Variants in OSER1 observed in about 807,000 individuals in gnomAD.
OSER1 encodes the protein oxidative stress-responsive serine-rich protein 1.
In OSER1, 15 loss-of-function variants were observed where a neutral mutation model predicts 26.3. The observed-to-expected ratio is 0.57, with a 90% confidence interval of 0.38 to 0.88. The LOEUF (loss-of-function observed/expected upper bound fraction) is 0.88. Ranked by LOEUF, OSER1 falls within the 40% of genes least tolerant of loss-of-function variation. The pLI is 0.00. For missense variants in OSER1, 313 were observed against 353.9 expected, an observed-to-expected ratio of 0.88 and a Z score of 0.93; for synonymous variants, 127 against 128.2, an observed-to-expected ratio of 0.99 and a Z score of 0.07.
chr20:44,201,882 A>C (rs2072985710), intron 3 of OSER1, among the ~76,000 whole-genome samples: 1 of 152,186 alleles, frequency 6.6e-6, no homozygotes, highest in Non-Finnish European at 1.5e-5. Flanking sequence ...GTAAGGTGGG[A>C]AAAAAATAGA....
intron 3 of OSER1, among the ~76,000 whole-genome samples, chr20:44,201,155 G>A (rs1165935386): frequency 6.6e-6 from 1 of 152,190 alleles, no homozygotes; most frequent in African/African-American, 2.4e-5. Flanking sequence ...GCACTATGCT[G>A]AGTCTGTGTG....
In OSER1 at chr20:44,196,754, T is replaced by C. The variant is rs2072922903; in HGVS notation, c.*298A>G. ...GAAAAATGCACTGTTTTACAAAGGC[T>C]TTTACCATATACCCACTGCTGCCAG... On this transcript the variant is annotated 3_prime_UTR_variant, in exon 4 of 4. Transcript: ENST00000255174. The C allele has an allele frequency of 3.4e-6, 1 of 293,786 alleles. No homozygotes were observed. The highest frequency in any genetic ancestry group is 6.4e-6 in the Non-Finnish European group (1 of 156,410). The allele number at this position is 293,786 out of a possible 1,614,324, so 18.2% of individuals were successfully genotyped here.
chr20:44,196,409 C>T lies in OSER1; in HGVS notation c.*643G>A, dbSNP rs2072919996. 1 of 152,084 alleles carries T rather than the reference C, an allele frequency of 6.6e-6. No individual in the cohort carries two copies. Among genetic ancestry groups the T allele is most frequent in the Non-Finnish European group, 1.5e-5 (1 of 68,042 alleles). The allele number at this position is 152,084 out of a possible 1,614,324, so 9.4% of individuals were successfully genotyped here. A position where few individuals can be genotyped will look rare whatever the true frequency, so the allele number is the denominator to read the frequency against. ...AACTGAAGCAGCCCATTCCAAGCTG[C>T]TTACTTGAAACTGCATGTAACATGT... On this transcript the variant is annotated 3_prime_UTR_variant, in exon 4 of 4. Transcript: ENST00000255174.
chr20:44,210,741 G>C lies in OSER1; in HGVS notation c.-87C>G, dbSNP rs1410943494. ...CCGGTGATGCGGGGCAGTCAGTTCAGAGCGTCTCTCCCAAATCTCGGCACC... is the reference window on the plus strand; with the variant it reads ...CCGGTGATGCGGGGCAGTCAGTTCACAGCGTCTCTCCCAAATCTCGGCACC... On this transcript the variant is annotated 5_prime_UTR_variant, in exon 1 of 4. Coordinates refer to ENST00000255174, the MANE Select transcript of OSER1 (RefSeq NM_016470.8). The C allele has an allele frequency of 6.6e-6, 1 of 152,400 alleles. No homozygotes were observed. Among genetic ancestry groups the C allele is most frequent in the Admixed American group, 6.5e-5 (1 of 15,292 alleles). 9.4% of individuals were successfully genotyped at this position (152,400 alleles called of 1,614,324 possible).
At chr20:44,205,021 A>G (rs965365870) in intron 2 of OSER1, among the ~76,000 whole-genome samples, 1 of 151,942 alleles carries the variant, frequency 6.6e-6, no homozygotes, top group Non-Finnish European at 1.5e-5. Context: ...GTTTTTTTGC[A>G]GACGGGTTTC....
chr20:44,199,623 G>A (rs985117572), intron 3 of OSER1, among the ~76,000 whole-genome samples: 1 of 152,130 alleles, frequency 6.6e-6, no homozygotes, highest in African/African-American at 2.4e-5. Flanking sequence ...TAAGATCTAC[G>A]GTAAGAACGA....
intron 3 of OSER1, among the ~76,000 whole-genome samples, chr20:44,198,506 A>G (rs2072946779): frequency 6.6e-6 from 1 of 151,922 alleles, no homozygotes; most frequent in South Asian, 2.1e-4. Context: ...GTAGTCCCAG[A>G]TACTTGGGAG....
At position 44,205,004 on chromosome 20, in the gene OSER1, A is replaced by G. The variant is rs1033641322; in HGVS notation, c.77+1877T>C. ...AGGCACGCACCACCATGCCTAGCTA[A>G]TTCTTTGTTTTTTTGCAGACGGGTT... On this transcript the variant is annotated intron_variant, in intron 2 of 3. Transcript: ENST00000255174. Among the ~76,000 whole-genome samples, 18 of 152,014 alleles carry G rather than the reference A, an allele frequency of 1.2e-4. No homozygotes were observed. The Middle Eastern group carries it at 0.01, about 86-fold the overall frequency.
chr20:44,197,033 A>G lies in OSER1; in HGVS notation c.*19T>C. ...ACAAGCCTTCATTGGTTTAAAGCAT[A>G]TGAATTAGCTTCTTGCTATCAGGTG... On this transcript the variant is annotated 3_prime_UTR_variant, in exon 4 of 4. Transcript: ENST00000255174. The G allele has an allele frequency of 6.4e-7, 1 of 1,559,662 alleles. No homozygotes were observed. The highest frequency in any genetic ancestry group is 8.8e-7 in the Non-Finnish European group (1 of 1,132,152).
upstream of OSER1, chr20:44,211,054 T>A (rs1843072): frequency 6.6e-6 from 1 of 152,412 alleles, no homozygotes; most frequent in Non-Finnish European, 1.5e-5. Flanking sequence ...TTTTGGGGCG[T>A]GCCTGCTTCC....
chr20:44,197,457 T>A lies in OSER1; in HGVS notation c.474A>T (p.Pro158=), dbSNP rs780832295. 5 of 1,614,224 alleles carry A rather than the reference T, an allele frequency of 3.1e-6. No homozygotes were observed. Among genetic ancestry groups the A allele is most frequent in the Non-Finnish European group, 4.2e-6 (5 of 1,180,024 alleles). Residue 158 remains proline (P), a synonymous_variant, in exon 4 of 4, where the codon CCA becomes CCT. Coordinates refer to ENST00000255174, the MANE Select transcript of OSER1 (RefSeq NM_016470.8). ...AGGAGTCTTCCTTCTTACTCTCTGA[T>A]GGGAGCCTTGGAACAGAAGTTCTCA... is the stretch of plus-strand genomic sequence containing the variant. The part of the protein sequence containing the change: ...EPLRTSVPRL[P]SESKKEDSSD...
At chr20:44,209,328 T>C (rs2073072847) in intron 1 of OSER1, among the ~76,000 whole-genome samples, 1 of 152,228 alleles carries the variant, frequency 6.6e-6, no homozygotes. Context: ...TCACTTTTTT[T>C]CTCAGTTATT....
At chr20:44,198,592 C>G (rs111731011) in intron 3 of OSER1, among the ~76,000 whole-genome samples, 3,631 of 151,492 alleles carry the variant, frequency 0.024, 175 homozygotes, top group African/African-American at 0.084. Flanking sequence ...GTACTCCAGC[C>G]TGGGCAACAG....
At chr20:44,207,335 C>T (rs887836256) in intron 1 of OSER1, 2 of 164,560 alleles carry the variant, frequency 1.2e-5, no homozygotes, top group Admixed American at 6.0e-5. Flanking sequence ...AACAAAATGA[C>T]ATCAGAAATA....
chr20:44,208,478 AT>A (rs1390096109), intron 1 of OSER1, among the ~76,000 whole-genome samples: 4 of 152,108 alleles, frequency 2.6e-5, no homozygotes, highest in Non-Finnish European at 4.4e-5. Flanking sequence ...GGACAAAAAA[AT>A]AATTTAGATA....
intron 1 of OSER1, 151 bp from the exon 2 acceptor site, chr20:44,207,149 G>A (rs1171310690): frequency 4.0e-6 from 2 of 494,798 alleles, no homozygotes; most frequent in African/African-American, 3.8e-5. Context: ...ATTTCTTAAA[G>A]GGAAACAAAT....
chr20:44,197,686 G>C lies in OSER1; in HGVS notation c.245C>G (p.Ser82Cys). 1.9e-6 allele frequency: 3 copies of C among 1,614,014 alleles called. No homozygotes were observed. The highest frequency in any genetic ancestry group is 2.5e-6 in the Non-Finnish European group (3 of 1,179,878). Residue 82 changes from serine to cysteine, a missense_variant, in exon 4 of 4, where the codon TCT (serine) becomes TGT (cysteine). Around this residue, in one of 2 missense-constraint regions of OSER1, gnomAD observed 300 missense variants for 318.3 expected, o/e 0.94. Transcript: ENST00000255174. ...TGGAGGATGAAGGACAGGAGACTTA[G>C]AACGTCGACGACGCTGAGTTCTCAC... ...GAVRTQRRRR[S>C]KSPVLHPPKF...
intron 3 of OSER1, among the ~76,000 whole-genome samples, chr20:44,198,887 G>A (rs1281647433): frequency 1.3e-5 from 2 of 152,114 alleles, no homozygotes; most frequent in Non-Finnish European, 2.9e-5. Flanking sequence ...ACTGTGAGTG[G>A]CATGACAAAA....
chr20:44,211,356 G>A (rs910976540), upstream of OSER1: 4 of 152,272 alleles, frequency 2.6e-5, no homozygotes, highest in Non-Finnish European at 4.4e-5. Context: ...GAAGTGAAGA[G>A]GTATTGGACG....
Sources: gnomAD v4.1 joint callset for allele counts (sites outside exome capture counted in the v4.1 genomes callset) on GRCh38, gnomAD v4.1.1 for gene constraint, gnomAD v4.1.1 regional missense constraint, MANE v1.5 for transcripts, NCBI Gene and HGNC (gene_info 2026-07-23, HGNC 2026-07-21) for gene names.